Variants in INPP5A observed in about 807,000 individuals in gnomAD.
INPP5A encodes 43 kDa inositol polyphosphate 5-phophatase.
Under a neutral mutation model 65.2 loss-of-function variants are expected in INPP5A, and 14 were observed. The ratio of observed to expected loss-of-function variants is 0.21; its 90% CI spans 0.14 to 0.34. The LOEUF (loss-of-function observed/expected upper bound fraction) is 0.34. Among genes scored for constraint, INPP5A ranks in the 10% least tolerant of loss-of-function variants. The pLI is 1.00. For synonymous variants in INPP5A, 207 were observed against 208.3 expected, an observed-to-expected ratio of 0.99 and a Z score of 0.05; for missense variants, 431 against 545.6, an observed-to-expected ratio of 0.79 and a Z score of 2.09.
At chr10:132,607,807 C>A in intron 1 of INPP5A, 108 bp from the exon 2 acceptor site, 2 of 1,123,934 alleles carry the variant, frequency 1.8e-6, no homozygotes, top group Non-Finnish European at 2.6e-6. Context: ...TGGGCCCGGG[C>A]TGCGCCTCTG....
chr10:132,692,641 G>C (rs753642667), intron 5 of INPP5A, among the ~76,000 whole-genome samples: 9 of 152,222 alleles, frequency 5.9e-5, no homozygotes, highest in Non-Finnish European at 1.0e-4. Flanking sequence ...CAAGAAGGAA[G>C]AGAGTAGTGT....
At chr10:132,764,106 G>A (rs111282953) in intron 11 of INPP5A, among the ~76,000 whole-genome samples, 1 of 152,278 alleles carries the variant, frequency 6.6e-6, no homozygotes, top group Non-Finnish European at 1.5e-5. Context: ...AGGAGGCAGT[G>A]GGGCTGTGAA....
chr10:132,729,021 G>T (rs1015632064), intron 9 of INPP5A, among the ~76,000 whole-genome samples: 4 of 145,100 alleles, frequency 2.8e-5, no homozygotes, highest in African/African-American at 1.1e-4. Flanking sequence ...CTCAGCAGGC[G>T]TGGGGGGCCT....
At chr10:132,690,975 C>G (rs1025209318) in intron 5 of INPP5A, among the ~76,000 whole-genome samples, 1 of 152,134 alleles carries the variant, frequency 6.6e-6, no homozygotes, top group Admixed American at 6.5e-5. Flanking sequence ...TCCACACGGC[C>G]TGGGGGTGTT....
At position 132,698,994 on chromosome 10, in the gene INPP5A, G is replaced by T. The variant is rs1051905802; in HGVS notation, c.474+1075G>T. ...CATCCGTCTTCCCAAGGCCAAGGAC[G>T]CCGTGTCAGTGGGCCAGCCTCCTGT... On this transcript the variant is annotated intron_variant, in intron 6 of 15. Coordinates refer to ENST00000368594, the MANE Select transcript of INPP5A (RefSeq NM_005539.5). The surrounding 1 kb of genome is among the most constrained non-coding windows in gnomAD (Gnocchi z 5.5). 6.6e-6 allele frequency among the ~76,000 whole-genome samples: 1 copy of T among 152,248 alleles called. No homozygotes were observed. Among genetic ancestry groups the T allele is most frequent in the East Asian group, 1.9e-4 (1 of 5,196 alleles).
At chr10:132,671,327 C>T (rs1183649295) in intron 4 of INPP5A, among the ~76,000 whole-genome samples, 1 of 147,742 alleles carries the variant, frequency 6.8e-6, no homozygotes, top group Non-Finnish European at 1.5e-5. Context: ...TTGTGCCCTC[C>T]CTGCTTCGGA....
chr10:132,609,746 G>A (rs1356503991), intron 2 of INPP5A, among the ~76,000 whole-genome samples: 5 of 152,116 alleles, frequency 3.3e-5, no homozygotes, highest in South Asian at 2.1e-4. Context: ...CCGGGTTCAC[G>A]CCATTCTCCT....
At chr10:132,544,587 C>T (rs1047848309) in intron 1 of INPP5A, among the ~76,000 whole-genome samples, 4 of 152,208 alleles carry the variant, frequency 2.6e-5, no homozygotes, top group African/African-American at 7.2e-5. Flanking sequence ...CCGGCCCTGG[C>T]TGCAGGGTAC....
At chr10:132,641,526 G>A (rs1210023867) in intron 2 of INPP5A, among the ~76,000 whole-genome samples, 1 of 152,176 alleles carries the variant, frequency 6.6e-6, no homozygotes, top group Admixed American at 6.5e-5. Flanking sequence ...GGAGTGAGAC[G>A]ACCCCGTGCC....
In INPP5A at chr10:132,549,329, T is replaced by A. The variant is rs1242865190; in HGVS notation, c.75+11158T>A. On this transcript the variant is annotated intron_variant, in intron 1 of 15. Transcript: ENST00000368594. The surrounding 1 kb of genome is among the most constrained non-coding windows in gnomAD (Gnocchi z 4.9). ...TAGTTGCTGCCCCATTCGTGCCCCG[T>A]CGAGTGGTGTGGAAGGACTCTAGCT... Among the ~76,000 whole-genome samples, 7 of 152,154 alleles carry A rather than the reference T, an allele frequency of 4.6e-5. No individual in the cohort carries two copies. The highest frequency in any genetic ancestry group is 1.0e-4 in the Non-Finnish European group (7 of 68,012).
intron 9 of INPP5A, among the ~76,000 whole-genome samples, chr10:132,731,780 C>T (rs1449942023): frequency 6.6e-6 from 1 of 152,216 alleles, no homozygotes; most frequent in Non-Finnish European, 1.5e-5. Flanking sequence ...TCAGTGTTCA[C>T]ACGAATCGGC....
intron 4 of INPP5A, among the ~76,000 whole-genome samples, chr10:132,670,902 G>A (rs113256074): frequency 3.3e-4 from 50 of 150,164 alleles, no homozygotes; most frequent in Admixed American, 5.3e-4. Flanking sequence ...TCAGGACAGC[G>A]GTGCCAAAGT....
chr10:132,708,014 C>T (rs1845565428), intron 6 of INPP5A, among the ~76,000 whole-genome samples: 2 of 152,322 alleles, frequency 1.3e-5, no homozygotes, highest in East Asian at 3.9e-4. Context: ...GGTTTCCCTG[C>T]AGCTGCTCTC....
chr10:132,638,398 C>G (rs2072384345), intron 2 of INPP5A, among the ~76,000 whole-genome samples: 1 of 152,186 alleles, frequency 6.6e-6, no homozygotes, highest in South Asian at 2.1e-4. Flanking sequence ...TGTCTCTTCC[C>G]TGGTGTCTCC....
intron 6 of INPP5A, among the ~76,000 whole-genome samples, chr10:132,703,991 ACACACACGCACGGCTTCACCCCCC>A (rs1412258251): frequency 6.1e-4 from 68 of 110,786 alleles, no homozygotes; most frequent in Middle Eastern, 7.1e-3. Context: ...CTTCACCCAC[ACACACACGCACGGCTTCACCCCCC>A]CACACACGCG....
At chr10:132,671,397 T>TCCGCCCTCCCTGCTCG (rs1564958023) in intron 4 of INPP5A, among the ~76,000 whole-genome samples, 1 of 76,876 alleles carries the variant, frequency 1.3e-5, no homozygotes, top group Non-Finnish European at 2.9e-5. Context: ...CTCCCTGCTC[T>TCCGCCCTCCCTGCTCG]GGACTCCGCC....
intron 1 of INPP5A, among the ~76,000 whole-genome samples, chr10:132,554,992 C>T (rs1439874679): frequency 2.1e-5 from 3 of 142,296 alleles, no homozygotes; most frequent in Non-Finnish European, 3.0e-5. Context: ...ATGTGGGTAG[C>T]GTGGTTGGTC....
intron 4 of INPP5A, among the ~76,000 whole-genome samples, chr10:132,671,861 G>A (rs1590913401): frequency 6.6e-6 from 1 of 152,324 alleles, no homozygotes; most frequent in South Asian, 2.1e-4. Context: ...ACTTGGTTCT[G>A]GCCTCAGAGC....
chr10:132,593,281 G>A (rs945508269), intron 1 of INPP5A, among the ~76,000 whole-genome samples: 1 of 152,166 alleles, frequency 6.6e-6, no homozygotes, highest in African/African-American at 2.4e-5. Context: ...ACTGAGGACG[G>A]GGATTACACT....
Sources: gnomAD v4.1 joint callset for allele counts (sites outside exome capture counted in the v4.1 genomes callset) on GRCh38, gnomAD v4.1.1 for gene constraint, Gnocchi (gnomAD v3.1) non-coding constraint, MANE v1.5 for transcripts, NCBI Gene and HGNC (gene_info 2026-07-23, HGNC 2026-07-21) for gene names.